RORA: variants seen among roughly 807,000 people sequenced by gnomAD.
RORA encodes the protein RAR related orphan receptor A.
A neutral mutation model predicts 69.5 loss-of-function variants in RORA; 7 were observed. The observed-to-expected ratio is 0.10, with a 90% CI of 0.06 to 0.19. RORA has a LOEUF of 0.19. Among genes scored for constraint, RORA ranks in the 10% least tolerant of loss-of-function variants. The pLI is 1.00. For synonymous variants in RORA, 261 were observed against 240.8 expected, an observed-to-expected ratio of 1.08 and a Z score of -0.78; for missense variants, 457 against 663.0, an observed-to-expected ratio of 0.69 and a Z score of 3.41.
chr15:60,854,229 T>A (rs1244166906), intron 1 of RORA, among the ~76,000 whole-genome samples: 1 of 151,932 alleles, frequency 6.6e-6, no homozygotes, highest in Non-Finnish European at 1.5e-5. Flanking sequence ...ACCACTGCAC[T>A]CCAGCCTGGC....
chr15:61,022,105 T>C (rs1351804062), intron 1 of RORA, among the ~76,000 whole-genome samples: 1 of 152,204 alleles, frequency 6.6e-6, no homozygotes, highest in African/African-American at 2.4e-5. Context: ...AAATCAGATT[T>C]TGCCTGAATT....
At chr15:60,994,429 A>G (rs1429882105) in intron 1 of RORA, among the ~76,000 whole-genome samples, 3 of 152,216 alleles carry the variant, frequency 2.0e-5, no homozygotes, top group African/African-American at 7.2e-5. Flanking sequence ...AACCAGACCT[A>G]CATCTCCATT....
chr15:61,217,461 G>A (rs1434120586), intron 1 of RORA, among the ~76,000 whole-genome samples: 1 of 152,146 alleles, frequency 6.6e-6, no homozygotes, highest in South Asian at 2.1e-4. Flanking sequence ...GACTAGGTGA[G>A]GCAGAGGAGG....
At chr15:61,081,925 C>A (rs1453265339) in intron 1 of RORA, among the ~76,000 whole-genome samples, 2 of 152,006 alleles carry the variant, frequency 1.3e-5, no homozygotes, top group African/African-American at 4.8e-5. Flanking sequence ...AAAAATTAGC[C>A]CTGGGAAATA....
chr15:60,947,405 C>A (rs192999433), intron 1 of RORA, among the ~76,000 whole-genome samples: 2,078 of 152,182 alleles, frequency 0.014, 46 homozygotes, highest in African/African-American at 0.047. Flanking sequence ...CAACCCGGTG[C>A]TCTCTGAAAC....
At position 60,752,060 on chromosome 15, in the gene RORA, C is replaced by T. The variant is rs563604121; in HGVS notation, c.167-73374G>A. 1.6e-4 allele frequency among the ~76,000 whole-genome samples: 24 copies of T among 151,852 alleles called. 2 individuals are homozygous for T. The Middle Eastern group carries it at 0.01, about 65-fold the overall frequency. The stretch of plus-strand genomic sequence containing the variant: ...AATAAGGAGGTGGAGAAGGATCATC[C>T]GAGCTAGGCTGAGTCTTCTTTGACT... On this transcript the variant is annotated intron_variant, in intron 1 of 10. Transcript: ENST00000335670.
chr15:60,859,396 TTGGGACCTTGGGAC>T (rs2073413719), intron 1 of RORA, among the ~76,000 whole-genome samples: 1 of 77,614 alleles, frequency 1.3e-5, no homozygotes, highest in African/African-American at 5.3e-5. Context: ...CCTTGGGACC[TTGGGACCTTGGGAC>T]CTTGTGAGAA....
chr15:60,770,269 A>C (rs767959313), intron 1 of RORA, among the ~76,000 whole-genome samples: 12 of 152,108 alleles, frequency 7.9e-5, no homozygotes, highest in Non-Finnish European at 1.5e-4. Context: ...AGTCCAATGT[A>C]ATTTTCCTAT....
chr15:60,808,429 G>A (rs1256315914), intron 1 of RORA, among the ~76,000 whole-genome samples: 1 of 152,120 alleles, frequency 6.6e-6, no homozygotes, highest in East Asian at 1.9e-4. Flanking sequence ...TAGTGCTGAT[G>A]TGGTGAAAAG....
chr15:60,808,810 C>T (rs561342122), intron 1 of RORA, among the ~76,000 whole-genome samples: 1 of 151,642 alleles, frequency 6.6e-6, no homozygotes, highest in East Asian at 1.9e-4. Context: ...GAATACTACT[C>T]AGCCACAAAA....
chr15:61,115,599 C>T (rs967033945), intron 1 of RORA, among the ~76,000 whole-genome samples: 3 of 152,140 alleles, frequency 2.0e-5, no homozygotes, highest in African/African-American at 7.2e-5. Flanking sequence ...GTACCAGTCT[C>T]CAAAAGACTG....
At chr15:60,539,494 T>G (rs1256030693) in intron 2 of RORA, among the ~76,000 whole-genome samples, 2 of 152,206 alleles carry the variant, frequency 1.3e-5, no homozygotes, top group Non-Finnish European at 2.9e-5. Flanking sequence ...TTAGATCCAG[T>G]TCTCTCTAGA....
intron 1 of RORA, among the ~76,000 whole-genome samples, chr15:61,000,771 T>C (rs756581296): frequency 1.1e-4 from 17 of 152,128 alleles, no homozygotes; most frequent in Non-Finnish European, 1.8e-4. Context: ...GAAATTCAGG[T>C]GGCCATTTCC....
chr15:61,034,288 G>A (rs1896337723), intron 1 of RORA, among the ~76,000 whole-genome samples: 1 of 152,158 alleles, frequency 6.6e-6, no homozygotes, highest in African/African-American at 2.4e-5. Context: ...GAAAAAAGGA[G>A]TATCTAGCAT....
intron 1 of RORA, among the ~76,000 whole-genome samples, chr15:60,991,346 G>C (rs183118011): frequency 7.6e-4 from 115 of 152,304 alleles, no homozygotes; most frequent in African/African-American, 2.6e-3. Context: ...GGAAACTACA[G>C]ACTGGGTAAG....
At chr15:60,847,164 G>A (rs1272082902) in intron 1 of RORA, among the ~76,000 whole-genome samples, 3 of 152,152 alleles carry the variant, frequency 2.0e-5, no homozygotes, top group Admixed American at 2.0e-4. Flanking sequence ...TTAGTATAAT[G>A]AGTTGAATAA....
intron 1 of RORA, among the ~76,000 whole-genome samples, chr15:61,121,097 G>A (rs35650289): frequency 0.14 from 21,956 of 151,578 alleles, 2,036 homozygotes; most frequent in Non-Finnish European, 0.22. Context: ...TGAACCACCC[G>A]CCTCAGCCTC....
rs550195867 is a variant in RORA at position 60,865,331 on chromosome 15, C to T, written c.167-186645G>A. ...TCCAAGGTCCATTTCAGATCTAACA[C>T]TCTATTATTCTATTATCTTTGTGCT... is the stretch of plus-strand genomic sequence containing the variant. On this transcript the variant is annotated intron_variant, in intron 1 of 10. Transcript: ENST00000335670. Among the ~76,000 whole-genome samples, 107 of 152,334 alleles carry T rather than the reference C, an allele frequency of 7.0e-4. 5 individuals carry two copies. The South Asian group carries it at 0.021, about 29-fold the overall frequency.
At chr15:60,649,033 A>G (rs546159024) in intron 2 of RORA, among the ~76,000 whole-genome samples, 12 of 152,192 alleles carry the variant, frequency 7.9e-5, no homozygotes, top group Admixed American at 7.9e-4. Context: ...GGCACTCATA[A>G]TCTCAGAAGC....
Sources: gnomAD v4.1 joint callset for allele counts (sites outside exome capture counted in the v4.1 genomes callset) on GRCh38, gnomAD v4.1.1 for gene constraint, MANE v1.5 for transcripts, NCBI Gene and HGNC (gene_info 2026-07-23, HGNC 2026-07-21) for gene names.